SMARCA4: variants seen among roughly 807,000 people sequenced by gnomAD.
The protein encoded by SMARCA4 is SWI/SNF related BAF chromatin remodeling complex subunit ATPase 4.
SMARCA4 carries 31 observed loss-of-function variants against 193.9 expected under a neutral mutation model. The observed-to-expected ratio is 0.16, with a 90% CI of 0.12 to 0.22. The LOEUF is 0.22. SMARCA4 is among the 10% of genes least tolerant of loss of function. SMARCA4 has a pLI of 1.00. For synonymous variants in SMARCA4, 942 were observed against 933.1 expected (o/e 1.01, Z -0.17); for missense variants, 1,148 against 2,296.0 (o/e 0.50, Z 10.22).
rs2146821336 is a variant in SMARCA4 at position 11,041,500 on chromosome 19, C to T, written c.4364C>T (p.Pro1455Leu). 1 of 1,613,894 alleles carries T rather than the reference C, an allele frequency of 6.2e-7. No individual in the cohort carries two copies. The highest frequency in any genetic ancestry group is 8.5e-7 in the Non-Finnish European group (1 of 1,179,996). Residue 1455 changes from proline (P) to leucine (L), a missense_variant, in exon 30 of 35, where the codon CCA becomes CTA. By Grantham distance (98) the Pro-to-Leu change is moderately conservative (BLOSUM62 -3). Transcript: ENST00000344626. The surrounding 1 kb of genome is among the most constrained non-coding windows in gnomAD (Gnocchi z 5.6). Reference protein sequence around the residue: ...RPPAEKLSPNPPNLTKKMKKI... With the variant: ...RPPAEKLSPNLPNLTKKMKKI... ...CCTGCCGAGAAACTCTCCCCTAACC[C>T]ACCCAACCTCACCAAGAAGATGAAG...
intron 30 of SMARCA4, among the ~76,000 whole-genome samples, chr19:11,045,631 G>C (rs537187715): frequency 1.3e-5 from 2 of 151,468 alleles, no homozygotes; most frequent in African/African-American, 4.8e-5. Flanking sequence ...AGTATGTCTA[G>C]TGTTAGTCCA....
At chr19:10,994,750 GT>G in intron 8 of SMARCA4, 77 bp from the exon 9 acceptor site, 1 of 1,341,490 alleles carries the variant, frequency 7.5e-7, no homozygotes, top group East Asian at 2.3e-5. Context: ...AATATTCTAG[GT>G]TTTAAACAAG....
intron 16 of SMARCA4, chr19:11,018,406 G>T: frequency 3.8e-6 from 1 of 262,538 alleles, no homozygotes; most frequent in South Asian, 4.4e-5. Flanking sequence ...ATCCCACAGG[G>T]GAACAGCCAC....
At chr19:11,006,328 G>A (rs1170741737) in intron 13 of SMARCA4, among the ~76,000 whole-genome samples, 2 of 152,244 alleles carry the variant, frequency 1.3e-5, no homozygotes, top group Non-Finnish European at 2.9e-5. Context: ...GATTAAACAA[G>A]TTCGTAGATA....
In SMARCA4 at chr19:11,003,219, C is replaced by G. The variant is rs1392062033; in HGVS notation, c.1943+60C>G. 6 of 1,611,862 alleles carry G rather than the reference C, an allele frequency of 3.7e-6. No homozygotes were observed. In the East Asian group the frequency reaches 1.3e-4, roughly 36 times the overall value. ...ATCCAAGTCCTCGGTGGGCCTTGTTCCAGGGAGGTGGCAGCCAGGAGCAAT... is the reference window on the plus strand; with the variant it reads ...ATCCAAGTCCTCGGTGGGCCTTGTTGCAGGGAGGTGGCAGCCAGGAGCAAT... On this transcript the variant is annotated intron_variant, in intron 12 of 34. Transcript: ENST00000344626.
intron 1 of SMARCA4, among the ~76,000 whole-genome samples, chr19:10,972,723 A>G (rs2084777136): frequency 6.6e-6 from 1 of 151,834 alleles, no homozygotes; most frequent in Non-Finnish European, 1.5e-5. Context: ...ACACAGTGTC[A>G]CTCCTCACGC....
chr19:11,061,618 C>T (rs983280223), intron 34 of SMARCA4, 166 bp from the exon 35 acceptor site: 8 of 706,772 alleles, frequency 1.1e-5, no homozygotes, highest in African/African-American at 5.2e-5. Context: ...CCTCGTGATC[C>T]GCCCGCCTTG....
intron 30 of SMARCA4, among the ~76,000 whole-genome samples, chr19:11,054,634 A>G (rs142924108): frequency 3.1e-3 from 466 of 152,294 alleles, no homozygotes; most frequent in African/African-American, 0.01. Context: ...TCTACTAACA[A>G]TACAAAAATT....
In SMARCA4 at chr19:10,987,736, C is replaced by A. The variant is rs146141457; in HGVS notation, c.930C>A (p.Arg310=). Residue 310 remains arginine (R), a synonymous_variant, in exon 6 of 35, where the codon CGC becomes CGA. Coordinates refer to ENST00000344626, the MANE Select transcript of SMARCA4 (RefSeq NM_003072.5). The surrounding 1 kb of genome is among the most constrained non-coding windows in gnomAD (Gnocchi z 5.3). ...QKLIPPQPTG[R]PSPAPPAVPP... is the part of the protein sequence containing the mutation. ...TGATTCCCCCGCAGCCAACGGGCCG[C>A]CCTTCCCCCGCGCCCCCTGCCGTCC... 1.4e-3 allele frequency: 2,320 copies of A among 1,605,658 alleles called. 33 individuals carry two copies. The African/African-American group carries it at 0.028, about 19-fold the overall frequency.
intron 30 of SMARCA4, among the ~76,000 whole-genome samples, chr19:11,044,529 G>A (rs1371626837): frequency 1.3e-5 from 2 of 152,132 alleles, no homozygotes; most frequent in Non-Finnish European, 2.9e-5. Context: ...GTGGGGAAAG[G>A]TGCTCACGTC....
At chr19:10,970,116 G>A (rs774154091) in intron 1 of SMARCA4, among the ~76,000 whole-genome samples, 1 of 152,132 alleles carries the variant, frequency 6.6e-6, no homozygotes, top group Non-Finnish European at 1.5e-5. Flanking sequence ...GGTGATTTAG[G>A]ATGGGGCTCC....
Position 11,019,137 on chromosome 19 carries a change from G to T in SMARCA4, c.2505+114G>T, listed in dbSNP as rs190892711. On this transcript the variant is annotated intron_variant, in intron 17 of 34. Transcript: ENST00000344626. This position sits in a 1 kb window ranked among gnomAD's most constrained non-coding sequence, Gnocchi z 6.1. ...ACCTGAGAATGCTGGGTCTCCAGTC[G>T]CATGGAGTCTCCAGGACAGCCTGGA... 13 of 835,290 alleles carry T rather than the reference G, an allele frequency of 1.6e-5. No individual in the cohort carries two copies. The highest frequency in any genetic ancestry group is 1.1e-4 in the Admixed American group (6 of 53,238). The allele number at this position is 835,290 out of a possible 1,614,324, so 51.7% of individuals were successfully genotyped here.
chr19:11,018,878 A>G (rs2146356071), intron 16 of SMARCA4, 79 bp from the exon 17 acceptor site: 2 of 1,216,628 alleles, frequency 1.6e-6, no homozygotes, highest in Non-Finnish European at 2.4e-6. Context: ...CTCGCCCCTG[A>G]CAGCCAGTGG....
chr19:11,030,605 C>G lies in SMARCA4; in HGVS notation c.3383-125C>G. On this transcript the variant is annotated intron_variant, in intron 24 of 34. Transcript: ENST00000344626. The surrounding 1 kb of genome is among the most constrained non-coding windows in gnomAD (Gnocchi z 5.5). The stretch of plus-strand genomic sequence containing the variant: ...ACAGGCCCGTGTGGAGAGTGCGGAG[C>G]CAGGGATCTGGGGATGCTGGCAGGT... 1.2e-6 allele frequency: 1 copy of G among 865,588 alleles called. No individual in the cohort carries two copies. The highest frequency in any genetic ancestry group is 1.4e-5 in the South Asian group (1 of 69,484). The allele number at this position is 865,588 out of a possible 1,614,324, so 53.6% of individuals were successfully genotyped here.
chr19:11,000,271 TC>T (rs2087504715), intron 11 of SMARCA4, among the ~76,000 whole-genome samples: 4 of 150,530 alleles, frequency 2.7e-5, no homozygotes, highest in African/African-American at 7.3e-5. Context: ...GTGTGGTGGC[TC>T]ATGCCTATAA....
chr19:10,968,606 C>T (rs1042200243), intron 1 of SMARCA4, among the ~76,000 whole-genome samples: 3 of 152,116 alleles, frequency 2.0e-5, no homozygotes, highest in Admixed American at 6.6e-5. Flanking sequence ...CCTCCACTTC[C>T]TGACTAGCTG....
intron 30 of SMARCA4, among the ~76,000 whole-genome samples, chr19:11,048,199 G>C (rs1489316082): frequency 6.6e-6 from 1 of 150,918 alleles, no homozygotes; most frequent in Non-Finnish European, 1.5e-5. Flanking sequence ...TCCAAGAAAA[G>C]AAAAAAAACT....
chr19:11,044,731 C>T (rs1315956357), intron 30 of SMARCA4, among the ~76,000 whole-genome samples: 4 of 152,182 alleles, frequency 2.6e-5, no homozygotes, highest in Non-Finnish European at 5.9e-5. Flanking sequence ...TTTTAACCAT[C>T]GAACTGCAGA....
At chr19:11,045,339 C>T (rs923413953) in intron 30 of SMARCA4, among the ~76,000 whole-genome samples, 1 of 152,014 alleles carries the variant, frequency 6.6e-6, no homozygotes, top group Non-Finnish European at 1.5e-5. Flanking sequence ...AGAGGGCCTA[C>T]TGTGTGCCTC....
Sources: allele counts gnomAD v4.1 joint callset (sites outside exome capture counted in the v4.1 genomes callset), GRCh38; gene constraint gnomAD v4.1.1; non-coding constraint Gnocchi (gnomAD v3.1); transcripts MANE v1.5; gene names NCBI Gene and HGNC (gene_info 2026-07-23, HGNC 2026-07-21).